PLCZ1: variants seen among roughly 807,000 people sequenced by gnomAD.
The protein encoded by PLCZ1 is phospholipase C zeta 1.
In PLCZ1, 64 loss-of-function variants were observed where a neutral mutation model predicts 76.8. The observed-to-expected ratio is 0.83, with a 90% CI of 0.68 to 1.03. The LOEUF (loss-of-function observed/expected upper bound fraction) is 1.03, where lower values mean the gene tolerates loss of function less well. PLCZ1 is among the 50% of genes least tolerant of loss of function. The pLI is 0.00. For missense variants in PLCZ1, 751 were observed against 713.7 expected (o/e 1.05, Z -0.60); for synonymous variants, 248 against 230.8 (o/e 1.07, Z -0.68).
At chr12:18,667,710 A>T in the PLCZ1 span, among the ~76,000 whole-genome samples, 1 of 152,194 alleles carries the variant, frequency 6.6e-6, no homozygotes, top group Non-Finnish European at 1.5e-5. Context: ...TTATCATAAA[A>T]GTCTATGAAA....
At chr12:18,695,426 A>G (rs1026159828) in intron 11 of PLCZ1, among the ~76,000 whole-genome samples, 2 of 152,326 alleles carry the variant, frequency 1.3e-5, no homozygotes, top group Admixed American at 6.5e-5. Context: ...GCAAGAGGTA[A>G]AGACATCAAC....
chr12:18,663,540 G>A, the PLCZ1 span, among the ~76,000 whole-genome samples: 2 of 152,066 alleles, frequency 1.3e-5, no homozygotes, highest in South Asian at 4.2e-4. Flanking sequence ...ATCCATAGGA[G>A]GTCCTGGAAA....
chr12:18,701,396 A>G lies in PLCZ1; in HGVS notation c.1017+105T>C, dbSNP rs916953513. 2.6e-6 allele frequency: 4 copies of G among 1,565,170 alleles called. No homozygotes were observed. The African/African-American group carries it at 4.1e-5, about 16-fold the overall frequency. Reference sequence around the variant, plus strand: ...TTGTAAATGATAGACTAGAGTTTTTATAAGAAGGAAAATGATTTTTCTCCA... The same window carrying G: ...TTGTAAATGATAGACTAGAGTTTTTGTAAGAAGGAAAATGATTTTTCTCCA... On this transcript the variant is annotated intron_variant, in intron 9 of 14. Coordinates refer to ENST00000266505, the MANE Select transcript of PLCZ1 (RefSeq NM_033123.4).
chr12:18,650,620 T>C, the PLCZ1 span, among the ~76,000 whole-genome samples: 1 of 145,272 alleles, frequency 6.9e-6, no homozygotes, highest in Non-Finnish European at 1.5e-5. Flanking sequence ...ACGGGCTCAC[T>C]TGAAATACAC....
chr12:18,647,910 A>G, the PLCZ1 span: 1 of 1,590,552 alleles, frequency 6.3e-7, no homozygotes, highest in Non-Finnish European at 8.6e-7. Context: ...CTCCAAGGAC[A>G]TGTCTTAATG....
At chr12:18,695,705 A>C (rs138822290) in intron 11 of PLCZ1, among the ~76,000 whole-genome samples, 3,444 of 152,170 alleles carry the variant, frequency 0.023, 52 homozygotes, top group Middle Eastern at 0.061. Flanking sequence ...TTCAATTTGG[A>C]ATAAGAGTCT....
the PLCZ1 span, among the ~76,000 whole-genome samples, chr12:18,669,113 C>A: frequency 2.0e-5 from 3 of 152,162 alleles, no homozygotes; most frequent in Non-Finnish European, 2.9e-5. Context: ...TTATAAACAA[C>A]AGTTCATTTA....
intron 3 of PLCZ1, among the ~76,000 whole-genome samples, chr12:18,729,691 G>T (rs1409023796): frequency 6.6e-6 from 1 of 152,028 alleles, no homozygotes; most frequent in African/African-American, 2.4e-5. Context: ...TATTTTAAAT[G>T]CTATAAAGAC....
At chr12:18,731,076 T>A (rs1436834282) in intron 3 of PLCZ1, 3 of 152,076 alleles carry the variant, frequency 2.0e-5, no homozygotes, top group African/African-American at 7.2e-5. Context: ...GAAGTACAAC[T>A]TTTCTTTTTT....
chr12:18,651,662 TC>T, the PLCZ1 span, among the ~76,000 whole-genome samples: 2 of 152,106 alleles, frequency 1.3e-5, no homozygotes, highest in African/African-American at 2.4e-5. Flanking sequence ...CCTTGGAACT[TC>T]CGGCCTGAAC....
chr12:18,709,873 C>T (rs957994183), intron 6 of PLCZ1, among the ~76,000 whole-genome samples: 1 of 152,086 alleles, frequency 6.6e-6, no homozygotes, highest in Non-Finnish European at 1.5e-5. Context: ...ACAGATCTTT[C>T]ACTTCCTTGG....
At chr12:18,696,322 C>CTATAGATATATATATATATATA (rs1954984891) in intron 10 of PLCZ1, 56 bp from the exon 11 acceptor site, 1 of 253,072 alleles carries the variant, frequency 4.0e-6, no homozygotes, top group Admixed American at 5.4e-5. Context: ...TAAAAAGCCA[C>CTATAGATATATATATATATATA]TATATATATA....
intron 6 of PLCZ1, among the ~76,000 whole-genome samples, chr12:18,710,002 T>C (rs1384005945): frequency 6.6e-6 from 1 of 151,890 alleles, no homozygotes; most frequent in East Asian, 1.9e-4. Context: ...TATGTCGATT[T>C]TGTGTTCTGC....
intron 13 of PLCZ1, among the ~76,000 whole-genome samples, chr12:18,687,574 C>T (rs1279930446): frequency 6.6e-6 from 1 of 152,072 alleles, no homozygotes; most frequent in African/African-American, 2.4e-5. Context: ...AGTTATTTCC[C>T]TTAATTCTTC....
chr12:18,674,707 C>T, the PLCZ1 span, among the ~76,000 whole-genome samples: 1 of 152,142 alleles, frequency 6.6e-6, no homozygotes, highest in Non-Finnish European at 1.5e-5. Context: ...CTGCTTGAAG[C>T]TAGGCTGGTC....
At chr12:18,714,118 G>T (rs914364759) in intron 5 of PLCZ1, among the ~76,000 whole-genome samples, 2 of 152,136 alleles carry the variant, frequency 1.3e-5, no homozygotes, top group African/African-American at 2.4e-5. Flanking sequence ...TAGGTCATTT[G>T]CCCCAAACTA....
intron 5 of PLCZ1, among the ~76,000 whole-genome samples, chr12:18,718,677 C>G (rs1004776952): frequency 6.6e-6 from 1 of 152,100 alleles, no homozygotes; most frequent in African/African-American, 2.4e-5. Context: ...ACAACTTTAC[C>G]CTAAGTAACA....
the PLCZ1 span, among the ~76,000 whole-genome samples, chr12:18,667,070 G>T: frequency 3.0e-3 from 452 of 152,208 alleles, 3 homozygotes; most frequent in African/African-American, 9.9e-3. Context: ...GCATCACAGT[G>T]GGGGGAAGTT....
intron 13 of PLCZ1, among the ~76,000 whole-genome samples, chr12:18,684,581 C>T (rs1182812163): frequency 6.6e-6 from 1 of 151,984 alleles, no homozygotes; most frequent in East Asian, 1.9e-4. Flanking sequence ...TAAGGTTTCA[C>T]ATATGTGGTC....
Sources: allele counts gnomAD v4.1 joint callset (sites outside exome capture counted in the v4.1 genomes callset), GRCh38; gene constraint gnomAD v4.1.1; transcripts MANE v1.5; gene names NCBI Gene and HGNC (gene_info 2026-07-23, HGNC 2026-07-21).